The following KDM7A variants were observed in gnomAD, a reference collection of about 807,000 sequenced individuals.
KDM7A encodes the protein lysine-specific demethylase 7A.
Under a neutral mutation model 114.8 loss-of-function variants are expected in KDM7A, and 28 were observed. That is an observed-to-expected ratio of 0.24 (90% CI 0.18 to 0.33). The LOEUF (loss-of-function observed/expected upper bound fraction) is 0.33. KDM7A is among the 10% of genes least tolerant of loss of function. The pLI is 1.00. For missense variants in KDM7A, 942 were observed against 1,142.5 expected (o/e 0.82, Z 2.53); for synonymous variants, 423 against 397.8 (o/e 1.06, Z -0.75).
chr7:140,159,299 T>C (rs1794491915), intron 1 of KDM7A, among the ~76,000 whole-genome samples: 1 of 151,938 alleles, frequency 6.6e-6, no homozygotes, highest in Non-Finnish European at 1.5e-5. Flanking sequence ...GTGAGCCGAG[T>C]TCATGCCGCT....
At chr7:140,105,655 A>G (rs1818324441) in intron 11 of KDM7A, among the ~76,000 whole-genome samples, 1 of 152,208 alleles carries the variant, frequency 6.6e-6, no homozygotes, top group South Asian at 2.1e-4. Flanking sequence ...ATCGTGGTGG[A>G]TAAGCTTTTT....
chr7:140,133,719 A>G, intron 2 of KDM7A, 63 bp from the exon 3 acceptor site: 1 of 854,522 alleles, frequency 1.2e-6, no homozygotes, highest in Admixed American at 2.1e-5. Context: ...GTGATTTCTA[A>G]TCATTATATC....
chr7:140,172,446 G>T (rs1045731560), intron 1 of KDM7A, among the ~76,000 whole-genome samples: 1 of 152,130 alleles, frequency 6.6e-6, no homozygotes, highest in East Asian at 1.9e-4. Context: ...GAGGTCAGGA[G>T]ATCGAGACCA....
At chr7:140,156,534 T>C (rs1466342034) in intron 1 of KDM7A, among the ~76,000 whole-genome samples, 6 of 152,206 alleles carry the variant, frequency 3.9e-5, no homozygotes, top group Middle Eastern at 6.8e-3. Context: ...GGTAAGTGAA[T>C]GGAAAAGTGA....
At chr7:140,114,887 CCGCCCGGAAGCCGCCCCG>C (rs1818494858) in intron 9 of KDM7A, among the ~76,000 whole-genome samples, 2 of 111,680 alleles carry the variant, frequency 1.8e-5, no homozygotes, top group South Asian at 2.7e-4. Flanking sequence ...AGGAGCCCCT[CCGCCCGGAAGCCGCCCCG>C]TCTGAGAAGT....
At chr7:140,156,464 T>C (rs1343278173) in intron 1 of KDM7A, among the ~76,000 whole-genome samples, 3 of 152,172 alleles carry the variant, frequency 2.0e-5, no homozygotes, top group Non-Finnish European at 4.4e-5. Context: ...GAGTCCCCCA[T>C]AAGCAGAACC....
chr7:140,149,859 T>G (rs2116834144), intron 1 of KDM7A, among the ~76,000 whole-genome samples: 1 of 152,334 alleles, frequency 6.6e-6, no homozygotes, highest in South Asian at 2.1e-4. Flanking sequence ...TGTTTTTAAG[T>G]TAACAAAGGC....
At chr7:140,133,198 C>CAG (rs1260524809) in intron 3 of KDM7A, among the ~76,000 whole-genome samples, 1 of 152,164 alleles carries the variant, frequency 6.6e-6, no homozygotes, top group Non-Finnish European at 1.5e-5. Context: ...AAACAGGTAG[C>CAG]AGCTGCATAT....
intron 1 of KDM7A, 65 bp from the exon 2 acceptor site, chr7:140,139,255 A>G: frequency 1.8e-6 from 2 of 1,084,750 alleles, no homozygotes; most frequent in Admixed American, 3.6e-5. Context: ...ACTATAATAC[A>G]GTGGTTGGAA....
At chr7:140,094,034 AC>A in intron 18 of KDM7A, 21 bp downstream of exon 18, 1 of 1,359,110 alleles carries the variant, frequency 7.4e-7, no homozygotes, top group East Asian at 2.3e-5. Flanking sequence ...TCTCCTTTTA[AC>A]GTTTCAAACT....
chr7:140,098,830 T>C (rs1818156470), intron 14 of KDM7A, 49 bp downstream of exon 14: 1 of 1,466,928 alleles, frequency 6.8e-7, no homozygotes, highest in Non-Finnish European at 9.4e-7. Context: ...TTACATATTA[T>C]CACATTAGTA....
At chr7:140,092,098 T>C (rs1449885084) in intron 18 of KDM7A, 21 bp from the exon 19 acceptor site, 3 of 1,612,440 alleles carry the variant, frequency 1.9e-6, no homozygotes, top group East Asian at 2.2e-5. Context: ...AGGAAGGACA[T>C]GAGGCTGAAT....
At chr7:140,103,203 A>G (rs1339910853) in intron 11 of KDM7A, among the ~76,000 whole-genome samples, 1 of 152,112 alleles carries the variant, frequency 6.6e-6, no homozygotes, top group Non-Finnish European at 1.5e-5. Flanking sequence ...TAGGAACCTC[A>G]TATAAGTGGA....
intron 7 of KDM7A, among the ~76,000 whole-genome samples, chr7:140,123,989 G>A (rs1276494184): frequency 2.6e-5 from 4 of 150,972 alleles, no homozygotes; most frequent in Admixed American, 6.6e-5. Flanking sequence ...AGAATGGCAC[G>A]AACCCGGGAT....
intron 6 of KDM7A, among the ~76,000 whole-genome samples, chr7:140,125,312 T>C (rs1026820062): frequency 6.6e-6 from 1 of 152,152 alleles, no homozygotes; most frequent in Non-Finnish European, 1.5e-5. Context: ...GAAGACTGAC[T>C]TTCTACATCA....
At chr7:140,175,351 T>C (rs1051862019) in intron 1 of KDM7A, among the ~76,000 whole-genome samples, 9 of 152,106 alleles carry the variant, frequency 5.9e-5, no homozygotes, top group Admixed American at 5.9e-4. Flanking sequence ...TCTTGTAGTG[T>C]TTCTGTAAAA....
intron 12 of KDM7A, among the ~76,000 whole-genome samples, chr7:140,100,663 T>TATATATATATATATACACAC (rs1562945817): frequency 1.5e-3 from 58 of 38,294 alleles, no homozygotes; most frequent in Non-Finnish European, 2.2e-3. Context: ...TAAAAAGTTA[T>TATATATATATATATACACAC]ATATATATAT....
Position 140,097,565 on chromosome 7 carries a change from C to T in KDM7A, c.1996G>A (p.Gly666Arg), listed in dbSNP as rs1216623722. Residue 666 changes from glycine (G) to arginine (R), a missense_variant, in exon 15 of 20, where the codon GGA becomes AGA. Gly to Arg is a moderately radical substitution (Grantham distance 125, BLOSUM62 -2). Transcript: ENST00000397560. ...CGTACCAGTGCAGTGCACTCGGGTC[C>T]GGAGTCTTCTGACTCAGAAATATCA... is the stretch of plus-strand genomic sequence containing the variant. Reference protein sequence around the residue: ...YSDISESEDSGPECTALKSIF... With the variant: ...YSDISESEDSRPECTALKSIF... 2.5e-6 allele frequency: 4 copies of T among 1,598,844 alleles called. No homozygotes were observed. The highest frequency in any genetic ancestry group is 2.2e-5 in the South Asian group (2 of 90,722).
chr7:140,140,418 A>G (rs1183312697), intron 1 of KDM7A, among the ~76,000 whole-genome samples: 1 of 152,214 alleles, frequency 6.6e-6, no homozygotes, highest in Non-Finnish European at 1.5e-5. Flanking sequence ...ATACTTCCAT[A>G]ATCTGGAAAA....
Sources: allele counts gnomAD v4.1 joint callset (sites outside exome capture counted in the v4.1 genomes callset), GRCh38; gene constraint gnomAD v4.1.1; transcripts MANE v1.5; gene names NCBI Gene and HGNC (gene_info 2026-07-23, HGNC 2026-07-21).